The following CIMAP2 variants were observed in gnomAD, a reference collection of about 807,000 sequenced individuals.
The protein encoded by CIMAP2 is ciliary microtubule associated protein 2.
chr1:54,826,574 T>A, the CIMAP2 span, among the ~76,000 whole-genome samples: 1 of 152,162 alleles, frequency 6.6e-6, no homozygotes, highest in African/African-American at 2.4e-5. Flanking sequence ...TGGGACCCAG[T>A]GCAAACTCCC....
chr1:54,841,581 G>A, the CIMAP2 span: 12 of 1,613,910 alleles, frequency 7.4e-6, no homozygotes, highest in African/African-American at 1.3e-5. Context: ...TTAATGAGCT[G>A]AACTGAGTGT....
the CIMAP2 span, among the ~76,000 whole-genome samples, chr1:54,821,886 CTTTTTTTTTTTTTTTTTT>C: frequency 4.5e-5 from 3 of 66,550 alleles, no homozygotes; most frequent in Admixed American, 2.0e-4. Flanking sequence ...CCTCTTATTT[CTTTTTTTTTTTTTTTTTT>C]TTTTTTTTTT....
chr1:54,809,941 C>T, the CIMAP2 span, among the ~76,000 whole-genome samples: 1 of 152,086 alleles, frequency 6.6e-6, no homozygotes, highest in Non-Finnish European at 1.5e-5. Context: ...CTCCCCCTCT[C>T]CAATTAATCA....
the CIMAP2 span, among the ~76,000 whole-genome samples, chr1:54,836,833 G>A: frequency 3.9e-5 from 6 of 152,038 alleles, no homozygotes; most frequent in Non-Finnish European, 7.3e-5. Context: ...GGGTGTGGCA[G>A]GGGATATGGA....
At chr1:54,836,884 AGT>A in the CIMAP2 span, among the ~76,000 whole-genome samples, 1 of 152,000 alleles carries the variant, frequency 6.6e-6, no homozygotes, top group African/African-American at 2.4e-5. Context: ...GGATCAGCCG[AGT>A]CTTGATGGAG....
the CIMAP2 span, chr1:54,811,766 C>CCGGGGGGGGCGGG: frequency 1.5e-6 from 2 of 1,305,190 alleles, no homozygotes; most frequent in Non-Finnish European, 2.2e-6. Context: ...GTTCTGACAG[C>CCGGGGGGGGCGGG]CTCCATGCCC....
the CIMAP2 span, among the ~76,000 whole-genome samples, chr1:54,806,610 T>G: frequency 4.1e-4 from 61 of 150,566 alleles, no homozygotes; most frequent in African/African-American, 1.2e-3. Flanking sequence ...TCTTTCTCTC[T>G]CTCACCTACT....
At chr1:54,829,078 T>C in the CIMAP2 span, among the ~76,000 whole-genome samples, 2 of 152,272 alleles carry the variant, frequency 1.3e-5, no homozygotes, top group Non-Finnish European at 2.9e-5. Context: ...CATGATTACA[T>C]GCGGAGGGCA....
At chr1:54,841,653 A>C in the CIMAP2 span, 3 of 1,613,328 alleles carry the variant, frequency 1.9e-6, no homozygotes, top group Non-Finnish European at 1.7e-6. Flanking sequence ...AGAAGTCATC[A>C]ATTTTGGCCT....
chr1:54,825,041 CTTTTTTT>C, the CIMAP2 span, among the ~76,000 whole-genome samples: 4 of 59,664 alleles, frequency 6.7e-5, no homozygotes, highest in African/African-American at 2.5e-4. Context: ...TAGGGAATTA[CTTTTTTT>C]TTTTTTTTTT....
At chr1:54,825,383 T>C in the CIMAP2 span, among the ~76,000 whole-genome samples, 3 of 151,916 alleles carry the variant, frequency 2.0e-5, no homozygotes, top group South Asian at 6.2e-4. Flanking sequence ...GCATATATAG[T>C]GTTGGTTGGG....
At chr1:54,820,124 T>C in the CIMAP2 span, among the ~76,000 whole-genome samples, 55 of 90,026 alleles carry the variant, frequency 6.1e-4, no homozygotes, top group East Asian at 1.6e-3. Flanking sequence ...CTTTCTTTCT[T>C]TCTTTCTTTC....
At chr1:54,816,168 C>A in the CIMAP2 span, among the ~76,000 whole-genome samples, 1 of 152,232 alleles carries the variant, frequency 6.6e-6, no homozygotes, top group African/African-American at 2.4e-5. Context: ...GGTGGCTCAG[C>A]TGACCGCACC....
At chr1:54,841,780 A>G in the CIMAP2 span, 3 of 1,603,382 alleles carry the variant, frequency 1.9e-6, no homozygotes, top group South Asian at 3.3e-5. Flanking sequence ...TCCTTTTTTA[A>G]TTTTTTCTGT....
the CIMAP2 span, among the ~76,000 whole-genome samples, chr1:54,833,695 ATCT>A: frequency 2.6e-5 from 4 of 152,020 alleles, no homozygotes; most frequent in African/African-American, 9.7e-5. Flanking sequence ...AACTTTCTAG[ATCT>A]TCTGGATCTT....
the CIMAP2 span, chr1:54,811,765 G>GCCGGGGGGGGGGCGGGCCCCCCCCCCC: frequency 7.7e-7 from 1 of 1,301,328 alleles, no homozygotes; most frequent in East Asian, 2.5e-5. Context: ...GGTTCTGACA[G>GCCGGGGGGGGGGCGGGCCCCCCCCCCC]CCTCCATGCC....
At chr1:54,808,764 T>C in the CIMAP2 span, among the ~76,000 whole-genome samples, 1 of 151,958 alleles carries the variant, frequency 6.6e-6, no homozygotes, top group Non-Finnish European at 1.5e-5. Context: ...AGGAGGACAC[T>C]GAGTGAGGCT....
chr1:54,807,074 T>C, the CIMAP2 span: 1 of 1,613,002 alleles, frequency 6.2e-7, no homozygotes, highest in African/African-American at 1.3e-5. Flanking sequence ...CGCGTTATTC[T>C]ACCCAAGTGG....
the CIMAP2 span, among the ~76,000 whole-genome samples, chr1:54,812,745 G>A: frequency 6.6e-6 from 1 of 152,228 alleles, no homozygotes; most frequent in Non-Finnish European, 1.5e-5. Context: ...GCCTGTTTAT[G>A]TTGTCTCCAT....
Sources: allele counts gnomAD v4.1 joint callset (sites outside exome capture counted in the v4.1 genomes callset), GRCh38; gene constraint gnomAD v4.1.1; transcripts MANE v1.5; gene names NCBI Gene and HGNC (gene_info 2026-07-23, HGNC 2026-07-21).